Variants in ITSN1 observed in about 807,000 individuals in gnomAD.
ITSN1 encodes intersectin-1.
Under a neutral mutation model 239.8 loss-of-function variants are expected in ITSN1, and 58 were observed. The ratio of observed to expected loss-of-function variants is 0.24; its 90% CI spans 0.20 to 0.30. The LOEUF is 0.30. Among genes scored for constraint, ITSN1 ranks in the 10% least tolerant of loss-of-function variants. ITSN1 has a pLI of 1.00. For missense variants in ITSN1, 1,558 were observed against 2,103.3 expected, an observed-to-expected ratio of 0.74 and a Z score of 5.07; for synonymous variants, 780 against 770.8, an observed-to-expected ratio of 1.01 and a Z score of -0.20.
intron 5 of ITSN1, among the ~76,000 whole-genome samples, chr21:33,738,721 A>G (rs922407011): frequency 6.6e-6 from 1 of 152,018 alleles, no homozygotes; most frequent in Non-Finnish European, 1.5e-5. Context: ...TTTTAAAATT[A>G]CCTTCTCCGT....
chr21:33,688,970 G>A (rs984294106), intron 1 of ITSN1, among the ~76,000 whole-genome samples: 2 of 151,880 alleles, frequency 1.3e-5, no homozygotes, highest in Non-Finnish European at 2.9e-5. Flanking sequence ...TTACAAGCAC[G>A]CCCGGCTAAT....
chr21:33,690,436 A>G (rs1601654002), intron 1 of ITSN1, among the ~76,000 whole-genome samples: 1 of 150,954 alleles, frequency 6.6e-6, no homozygotes. Flanking sequence ...CGTCTCTACT[A>G]AAAAATAGAA....
intron 5 of ITSN1, among the ~76,000 whole-genome samples, chr21:33,737,613 G>A (rs1432382457): frequency 6.6e-6 from 1 of 151,946 alleles, no homozygotes; most frequent in South Asian, 2.1e-4. Flanking sequence ...TCACTTAGTC[G>A]CCCAGGCTGG....
At chr21:33,755,826 A>C (rs1387818898) in intron 8 of ITSN1, among the ~76,000 whole-genome samples, 1 of 152,212 alleles carries the variant, frequency 6.6e-6, no homozygotes, top group Admixed American at 6.5e-5. Context: ...ATAACTGCCT[A>C]GATAGGGCTC....
intron 4 of ITSN1, among the ~76,000 whole-genome samples, chr21:33,723,889 T>C (rs1287793300): frequency 6.6e-6 from 1 of 152,238 alleles, no homozygotes; most frequent in African/African-American, 2.4e-5. Context: ...AACTGAATTT[T>C]CCAGCTAACT....
At chr21:33,793,936 A>G (rs899092170) in intron 16 of ITSN1, among the ~76,000 whole-genome samples, 1 of 152,182 alleles carries the variant, frequency 6.6e-6, no homozygotes, top group African/African-American at 2.4e-5. Context: ...AGGCATCTGT[A>G]TTTTCAAAGC....
At chr21:33,691,981 C>CT (rs1360737255) in intron 1 of ITSN1, among the ~76,000 whole-genome samples, 2 of 152,096 alleles carry the variant, frequency 1.3e-5, no homozygotes, top group Non-Finnish European at 2.9e-5. Flanking sequence ...GAAGGCAGGC[C>CT]TAGAATGTAT....
intron 16 of ITSN1, among the ~76,000 whole-genome samples, chr21:33,787,265 T>C (rs1230484213): frequency 2.6e-5 from 4 of 152,326 alleles, no homozygotes; most frequent in African/African-American, 9.6e-5. Context: ...ATTTGGGTCA[T>C]GTGCATGTTT....
chr21:33,838,306 C>T (rs956750424), intron 29 of ITSN1: 3 of 985,208 alleles, frequency 3.0e-6, no homozygotes, highest in Non-Finnish European at 2.4e-6. Flanking sequence ...TGCTGGTGGT[C>T]GTGTAGAGGT....
Position 33,836,092 on chromosome 21 carries a change from ATGGGGTTGGGC to A in ITSN1, c.3470-345_3470-335del, listed in dbSNP as rs1206215696. Among the ~76,000 whole-genome samples the A allele has an allele frequency of 1.1e-4, 17 of 152,316 alleles. No individual in the cohort carries two copies. The South Asian group carries it at 3.3e-3, about 30-fold the overall frequency. ...GCTGTCCTGTGCAGCAGAAGATAGG[ATGGGGTTGGGC>A]TGGTCTTTCCAGAGTCAGCAGTAGG... On this transcript the variant is annotated intron_variant, in intron 28 of 39. Coordinates refer to ENST00000381318, the MANE Select transcript of ITSN1 (RefSeq NM_003024.3).
intron 20 of ITSN1, among the ~76,000 whole-genome samples, chr21:33,806,654 G>C (rs76963667): frequency 6.6e-6 from 1 of 152,354 alleles, no homozygotes; most frequent in East Asian, 1.9e-4. Flanking sequence ...TCCCAGAAAT[G>C]TGAGCAATAT....
chr21:33,765,826 A>T (rs201600778), intron 9 of ITSN1, 49 bp from the exon 10 acceptor site: 2 of 1,600,540 alleles, frequency 1.2e-6, no homozygotes, highest in Admixed American at 3.3e-5. Flanking sequence ...AATAGTAAAA[A>T]GCATGAATTT....
chr21:33,876,407 G>C (rs1983928346), intron 34 of ITSN1, among the ~76,000 whole-genome samples: 1 of 149,834 alleles, frequency 6.7e-6, no homozygotes, highest in African/African-American at 2.5e-5. Flanking sequence ...TGTCACCCAG[G>C]CTGCTGGAAT....
intron 29 of ITSN1, among the ~76,000 whole-genome samples, chr21:33,848,368 C>T (rs1250535333): frequency 1.3e-5 from 2 of 152,186 alleles, no homozygotes; most frequent in Admixed American, 1.3e-4. Flanking sequence ...TCAGGAGGAA[C>T]CAGCCCTGTT....
rs1986848162 is a variant in ITSN1 at position 33,897,452 on chromosome 21, G to A, written c.*9152G>A. The A allele has an allele frequency of 6.6e-6, 1 of 152,218 alleles. No homozygotes were observed. Among genetic ancestry groups the A allele is most frequent in the Non-Finnish European group, 1.5e-5 (1 of 68,044 alleles). The allele number at this position is 152,218 out of a possible 1,614,324, so 9.4% of individuals were successfully genotyped here. A position where few individuals can be genotyped will look rare whatever the true frequency, so the allele number is the denominator to read the frequency against. ...TGAGAAACTGCAACAAAAATGTCCT[G>A]TGGATGATAATCAGCTCAGTTTCCG... On this transcript the variant is annotated 3_prime_UTR_variant, in exon 40 of 40. Transcript: ENST00000381318.
At chr21:33,755,238 C>A in intron 7 of ITSN1, 59 bp from the exon 8 acceptor site, 2 of 933,888 alleles carry the variant, frequency 2.1e-6, no homozygotes, top group South Asian at 1.7e-5. Flanking sequence ...CATTAAGGAA[C>A]TTTACCAGGC....
intron 4 of ITSN1, among the ~76,000 whole-genome samples, chr21:33,729,593 A>G (rs2147192582): frequency 6.6e-6 from 1 of 152,350 alleles, no homozygotes; most frequent in South Asian, 2.1e-4. Context: ...ACAGAATCAC[A>G]GAAACTGTGC....
At chr21:33,748,702 GTA>G (rs138281674) in intron 5 of ITSN1, among the ~76,000 whole-genome samples, 5,728 of 149,272 alleles carry the variant, frequency 0.038, 377 homozygotes, top group African/African-American at 0.13. Context: ...AAAAATACAC[GTA>G]TATATATATA....
chr21:33,886,509 T>G, intron 39 of ITSN1, 49 bp downstream of exon 39: 1 of 1,457,672 alleles, frequency 6.9e-7, no homozygotes, highest in Non-Finnish European at 9.2e-7. Flanking sequence ...TGGCACTCGT[T>G]TGCGTGGGTT....
Sources: allele counts gnomAD v4.1 joint callset (sites outside exome capture counted in the v4.1 genomes callset), GRCh38; gene constraint gnomAD v4.1.1; transcripts MANE v1.5; gene names NCBI Gene and HGNC (gene_info 2026-07-23, HGNC 2026-07-21).